Variants in ARAP3 observed in about 807,000 individuals in gnomAD.
ARAP3 encodes the protein arf-GAP with Rho-GAP domain, ANK repeat and PH domain-containing protein 3.
ARAP3 carries 82 observed loss-of-function variants against 169.2 expected under a neutral mutation model. That is an observed-to-expected ratio of 0.48 (90% CI 0.41 to 0.58). The LOEUF is 0.58. Among genes scored for constraint, ARAP3 ranks in the 20% least tolerant of loss-of-function variants. The pLI is 0.00. For synonymous variants in ARAP3, 791 were observed against 800.3 expected (o/e 0.99, Z 0.20); for missense variants, 1,764 against 2,018.0 (o/e 0.87, Z 2.41).
intron 4 of ARAP3, among the ~76,000 whole-genome samples, chr5:141,677,745 GT>G (rs34170396): frequency 0.16 from 24,312 of 151,700 alleles, 2,255 homozygotes; most frequent in Middle Eastern, 0.27. Context: ...CCTTGTTTTT[GT>G]TTTTTTGGTT....
intron 26 of ARAP3, 36 bp from the exon 27 acceptor site, chr5:141,656,673 T>C: frequency 5.6e-6 from 9 of 1,613,296 alleles, no homozygotes; most frequent in Non-Finnish European, 7.6e-6. Flanking sequence ...TGGAGGATGC[T>C]AGGGGAGAGA....
At chr5:141,669,197 T>C (rs1393346600) in intron 16 of ARAP3, among the ~76,000 whole-genome samples, 2 of 152,174 alleles carry the variant, frequency 1.3e-5, no homozygotes, top group African/African-American at 2.4e-5. Context: ...GATGTCTGAC[T>C]CCAGGGCCTG....
chr5:141,672,862 T>G lies in ARAP3; in HGVS notation c.1157A>C (p.His386Pro), dbSNP rs765300785. 1.2e-5 allele frequency: 19 copies of G among 1,605,758 alleles called. No individual in the cohort carries two copies. Among genetic ancestry groups the G allele is most frequent in the African/African-American group, 5.4e-5 (4 of 74,682 alleles). Reference protein sequence around the residue: ...SCLKEQRLLGHPRPPQPPRPL... With the variant: ...SCLKEQRLLGPPRPPQPPRPL... ...TCGGGGTGGTTGGGGGGGCCGGGGG[T>G]GGCCCAGGAGGCGCTGCTCCTTCAG... is the stretch of plus-strand genomic sequence containing the variant. The change falls in exon 8 of 33, where the codon CAC (histidine) becomes CCC (proline). Residue 386 changes from histidine to proline, a missense_variant. Physicochemically the swap from His to Pro is moderately conservative, Grantham distance 77. This residue lies in a region of ARAP3 where 630 missense variants were observed against 678.7 expected (regional missense o/e 0.93). Coordinates refer to ENST00000239440, the MANE Select transcript of ARAP3 (RefSeq NM_022481.6). This position sits in a 1 kb window ranked among gnomAD's most constrained non-coding sequence, Gnocchi z 4.9.
In ARAP3 at chr5:141,672,988, T is replaced by C; in HGVS notation, c.1093+25A>G. Reference sequence around the variant, plus strand: ...CACACAGCCTCCCTCCCTCCTGCCCTGACTCAGGGGGCTGTGGCCCTCACC... The same window carrying C: ...CACACAGCCTCCCTCCCTCCTGCCCCGACTCAGGGGGCTGTGGCCCTCACC... On this transcript the variant is annotated intron_variant, in intron 7 of 32. Coordinates refer to ENST00000239440, the MANE Select transcript of ARAP3 (RefSeq NM_022481.6). This position sits in a 1 kb window ranked among gnomAD's most constrained non-coding sequence, Gnocchi z 4.9. 6.2e-7 allele frequency: 1 copy of C among 1,614,068 alleles called. No individual in the cohort carries two copies. The highest frequency in any genetic ancestry group is 8.5e-7 in the Non-Finnish European group (1 of 1,179,972).
rs1366435749 is a variant in ARAP3, at chr5:141,672,315, A to G, written c.1386-14T>C. On this transcript the variant is annotated splice_polypyrimidine_tract_variant and intron_variant, in intron 9 of 32. Coordinates refer to ENST00000239440, the MANE Select transcript of ARAP3 (RefSeq NM_022481.6). The surrounding 1 kb of genome is among the most constrained non-coding windows in gnomAD (Gnocchi z 4.9). ...TCGGCTGTGAAGCTGAGGGGTGGAC[A>G]GCCAGTCCATGGGCATGGACCTACC... 6.2e-7 allele frequency: 1 copy of G among 1,613,884 alleles called. No homozygotes were observed.
At chr5:141,668,090 G>T (rs1023150804) in intron 16 of ARAP3, among the ~76,000 whole-genome samples, 1 of 151,220 alleles carries the variant, frequency 6.6e-6, no homozygotes, top group African/African-American at 2.4e-5. Flanking sequence ...AGAAAATCTG[G>T]ATGAAAAAAT....
chr5:141,663,073 A>G (rs1440344362), intron 19 of ARAP3, among the ~76,000 whole-genome samples: 1 of 152,232 alleles, frequency 6.6e-6, no homozygotes, highest in African/African-American at 2.4e-5. Context: ...AAATGTTTGC[A>G]GTGACTTAGA....
rs141333920 is a variant in ARAP3, at chr5:141,671,202, C to A, written c.1990+63G>T. 1,604 of 1,533,596 alleles carry A rather than the reference C, an allele frequency of 1.0e-3. 17 individuals are homozygous for A. The African/African-American group carries it at 0.02, about 19-fold the overall frequency. The allele number at this position is 1,533,596 out of a possible 1,614,324, so 95.0% of individuals were successfully genotyped here. On this transcript the variant is annotated intron_variant, in intron 13 of 32. Coordinates refer to ENST00000239440, the MANE Select transcript of ARAP3 (RefSeq NM_022481.6). The surrounding 1 kb of genome is among the most constrained non-coding windows in gnomAD (Gnocchi z 4.9). ...AGCTAATTGGGGCCCCTTGGAAGAA[C>A]TGAATCATAGGTTGGGTCTGAGAAT...
Position 141,673,868 on chromosome 5 carries a change from T to C in ARAP3, c.699-60A>G, listed in dbSNP as rs113694877. The C allele has an allele frequency of 4.5e-4, 694 of 1,536,010 alleles. 1 individual carries two copies. The highest frequency in any genetic ancestry group is 5.9e-4 in the Non-Finnish European group (659 of 1,124,920). ...AGACAAGTACCCCGGACACCCTCTT[T>C]GTACTTTCTCCATCCTACTCACATC... On this transcript the variant is annotated intron_variant, in intron 4 of 32. Coordinates refer to ENST00000239440, the MANE Select transcript of ARAP3 (RefSeq NM_022481.6).
intron 17 of ARAP3, among the ~76,000 whole-genome samples, chr5:141,666,052 A>AATAATAAT (rs1554224248): frequency 7.1e-6 from 1 of 140,856 alleles, no homozygotes; most frequent in African/African-American, 2.7e-5. Flanking sequence ...AAAAAAAAAA[A>AATAATAAT]AATAATAATA....
rs1488621367 is a variant in ARAP3, at chr5:141,672,663, T to G, written c.1279-5A>C. ...CCCGATGCCCAGAGAGAAGGCCTGGTGGGGTCAGGGGGTGGGCATCATGAG... is the reference window on the plus strand; with the variant it reads ...CCCGATGCCCAGAGAGAAGGCCTGGGGGGGTCAGGGGGTGGGCATCATGAG... On this transcript the variant is annotated splice_region_variant and splice_polypyrimidine_tract_variant and intron_variant, in intron 8 of 32. Transcript: ENST00000239440. The surrounding 1 kb of genome is among the most constrained non-coding windows in gnomAD (Gnocchi z 4.9). 1 of 1,613,706 alleles carries G rather than the reference T, an allele frequency of 6.2e-7. No individual in the cohort carries two copies. The highest frequency in any genetic ancestry group is 8.5e-7 in the Non-Finnish European group (1 of 1,179,878).
chr5:141,661,549 C>A (rs2099909977), intron 21 of ARAP3, 135 bp downstream of exon 21: 36 of 906,924 alleles, frequency 4.0e-5, no homozygotes, highest in Middle Eastern at 2.3e-4. Context: ...ATTCTCTGAA[C>A]CTTAGTGCTA....
rs781033667 is a variant in ARAP3 at position 141,672,502 on chromosome 5, G to A, written c.1385+50C>T. The A allele has an allele frequency of 6.3e-7, 1 of 1,598,308 alleles. No homozygotes were observed. The highest frequency in any genetic ancestry group is 1.1e-5 in the South Asian group (1 of 89,252). ...GGCCTCTAGTCCTCTGCACCCTTGT[G>A]CCTCCCGCAAAAGTCCCCCAGCCTT... On this transcript the variant is annotated intron_variant, in intron 9 of 32. Coordinates refer to ENST00000239440, the MANE Select transcript of ARAP3 (RefSeq NM_022481.6). This position sits in a 1 kb window ranked among gnomAD's most constrained non-coding sequence, Gnocchi z 4.9.
At chr5:141,664,090 A>C (rs1225847211) in intron 19 of ARAP3, among the ~76,000 whole-genome samples, 1 of 152,210 alleles carries the variant, frequency 6.6e-6, no homozygotes, top group Non-Finnish European at 1.5e-5. Context: ...TTTAGGATAA[A>C]AAACTTACAA....
rs190036218 is a variant in ARAP3 at position 141,675,724 on chromosome 5, A to C, written c.699-1916T>G. Reference sequence around the variant, plus strand: ...GGCAACAGAGCGAGACTCTGTCACAAAAAAAAAAAAATTTCCCCAGCCTAT... The same window carrying C: ...GGCAACAGAGCGAGACTCTGTCACACAAAAAAAAAAATTTCCCCAGCCTAT... On this transcript the variant is annotated intron_variant, in intron 4 of 32. Transcript: ENST00000239440. Among the ~76,000 whole-genome samples the C allele has an allele frequency of 1.4e-3, 207 of 146,246 alleles. 2 individuals carry two copies. The highest frequency in any genetic ancestry group is 4.7e-3 in the African/African-American group (178 of 38,002).
intron 29 of ARAP3, 52 bp from the exon 30 acceptor site, chr5:141,655,984 A>T: frequency 6.2e-7 from 1 of 1,613,698 alleles, no homozygotes; most frequent in Non-Finnish European, 8.5e-7. Flanking sequence ...CAGCTATAGG[A>T]ATGGAGCATA....
chr5:141,672,619 G>A lies in ARAP3; in HGVS notation c.1318C>T (p.Gln440Ter). The change falls in exon 9 of 33, where the codon CAG (glutamine) becomes TAG (stop). Residue 440 changes from glutamine (Q) to a stop codon, truncating the protein, a stop_gained. Transcript: ENST00000239440. LOFTEE classifies it high-confidence loss of function. The surrounding 1 kb of genome is among the most constrained non-coding windows in gnomAD (Gnocchi z 4.9). ...LGIGICFIELQGCSVRETKSR... is the reference protein window; with the variant it reads ...LGIGICFIEL The stretch of plus-strand genomic sequence containing the variant: ...TTGGTCTCCCGGACGCTGCAGCCCT[G>A]CAGTTCGATGAAGCAGATCCCGATG... 6.2e-7 allele frequency: 1 copy of A among 1,613,988 alleles called. No homozygotes were observed. Among genetic ancestry groups the A allele is most frequent in the Non-Finnish European group, 8.5e-7 (1 of 1,179,906 alleles).
rs150778406 is a variant in ARAP3 at position 141,654,272 on chromosome 5, G to A, written c.4313C>T (p.Pro1438Leu). 29 of 1,614,144 alleles carry A rather than the reference G, an allele frequency of 1.8e-5. No homozygotes were observed. The highest frequency in any genetic ancestry group is 2.5e-5 in the Non-Finnish European group (29 of 1,180,018). ...TREWTVKPEN[P>L]LTSQKSLDQP... ...ATCCAATGACTTCTGGCTGGTGAGG[G>A]GGTTCTCTGGCTTCACTGTCCACTC... is the stretch of plus-strand genomic sequence containing the variant. The change falls in exon 33 of 33, where the codon CCC becomes CTC. Residue 1438 changes from proline (P) to leucine (L), a missense_variant. Physicochemically the swap from Pro to Leu is moderately conservative, Grantham distance 98. Coordinates refer to ENST00000239440, the MANE Select transcript of ARAP3 (RefSeq NM_022481.6).
In ARAP3 at chr5:141,660,779, G is replaced by C. The variant is rs535970614; in HGVS notation, c.3120-853C>G. 2.0e-5 allele frequency among the ~76,000 whole-genome samples: 3 copies of C among 151,986 alleles called. No individual in the cohort carries two copies. In the East Asian group the frequency reaches 5.8e-4, roughly 30 times the overall value. ...ATTACAGGTGTGAGCCACCATACCTGGCCCCTGTAATATAGTATAATCAGT... is the reference window on the plus strand; with the variant it reads ...ATTACAGGTGTGAGCCACCATACCTCGCCCCTGTAATATAGTATAATCAGT... On this transcript the variant is annotated intron_variant, in intron 21 of 32. Transcript: ENST00000239440.
Sources: allele counts gnomAD v4.1 joint callset (sites outside exome capture counted in the v4.1 genomes callset), GRCh38; gene constraint gnomAD v4.1.1; regional missense constraint gnomAD v4.1.1; non-coding constraint Gnocchi (gnomAD v3.1); transcripts MANE v1.5; gene names NCBI Gene and HGNC (gene_info 2026-07-23, HGNC 2026-07-21).